Variants in SCRN1 observed in about 807,000 individuals in gnomAD.
SCRN1 encodes the protein secernin 1.
SCRN1 carries 19 observed loss-of-function variants against 43.3 expected under a neutral mutation model. The observed-to-expected ratio is 0.44, with a 90% CI of 0.31 to 0.64. The LOEUF is 0.64. Among genes scored for constraint, SCRN1 ranks in the 30% least tolerant of loss-of-function variants. The pLI, the probability that SCRN1 is intolerant of heterozygous loss-of-function variation, is 0.09. For missense variants in SCRN1, 447 were observed against 524.1 expected, an observed-to-expected ratio of 0.85 and a Z score of 1.44; for synonymous variants, 183 against 188.9, an observed-to-expected ratio of 0.97 and a Z score of 0.26.
At chr7:29,986,717 A>ATTTTTTTTTTTTTTTTTTT (rs553845779) in intron 1 of SCRN1, among the ~76,000 whole-genome samples, 1 of 99,852 alleles carries the variant, frequency 1.0e-5, no homozygotes, top group Non-Finnish European at 1.9e-5. Context: ...AATTTTTTTA[A>ATTTTTTTTTTTTTTTTTTT]TTTTTTTTTT....
At chr7:29,990,221 A>G, upstream of SCRN1, 1 of 1,551,634 alleles carries the variant, frequency 6.4e-7, no homozygotes, top group South Asian at 1.2e-5. Flanking sequence ...CCTGGTTTTA[A>G]AAGTGCCGTC....
chr7:29,956,855 AT>A (rs1788154957), intron 2 of SCRN1, among the ~76,000 whole-genome samples: 1 of 152,120 alleles, frequency 6.6e-6, no homozygotes, highest in South Asian at 2.1e-4. Flanking sequence ...AAAAAAAATG[AT>A]TCTTGTAGAG....
At chr7:29,970,724 G>C (rs1205314035) in intron 1 of SCRN1, among the ~76,000 whole-genome samples, 1 of 152,138 alleles carries the variant, frequency 6.6e-6, no homozygotes, top group Non-Finnish European at 1.5e-5. Flanking sequence ...TACTGAAGCT[G>C]ACTCTCTAAT....
chr7:29,930,364 T>G (rs1787116919), intron 6 of SCRN1, among the ~76,000 whole-genome samples: 1 of 152,220 alleles, frequency 6.6e-6, no homozygotes, highest in South Asian at 2.1e-4. Flanking sequence ...TCCCAAACAT[T>G]TTGATTTCTT....
At chr7:29,933,916 C>T (rs1293707862) in intron 6 of SCRN1, among the ~76,000 whole-genome samples, 1 of 152,192 alleles carries the variant, frequency 6.6e-6, no homozygotes, top group Non-Finnish European at 1.5e-5. Flanking sequence ...AAGTCTGCTA[C>T]TATGAAACAA....
At chr7:29,940,408 C>T (rs2107898) in intron 5 of SCRN1, among the ~76,000 whole-genome samples, 122,632 of 152,044 alleles carry the variant, frequency 0.81, 49,636 homozygotes, top group East Asian at 0.97. Context: ...CTGCAGTAAG[C>T]ATTACAAAAG....
At chr7:29,944,210 G>A (rs888154828) in intron 3 of SCRN1, 31 bp from the exon 4 acceptor site, 5 of 1,598,858 alleles carry the variant, frequency 3.1e-6, no homozygotes, top group Non-Finnish European at 4.3e-6. Flanking sequence ...CCATACTTCA[G>A]TCATTTCATA....
rs200216985 is a variant in SCRN1, at chr7:29,974,872, TG to T, written c.-1-5805del. Among the ~76,000 whole-genome samples, 86 of 152,012 alleles carry T rather than the reference TG, an allele frequency of 5.7e-4. No homozygotes were observed. In the East Asian group the frequency reaches 0.016, roughly 28 times the overall value. On this transcript the variant is annotated intron_variant, in intron 1 of 7. Coordinates refer to ENST00000242059, the MANE Select transcript of SCRN1 (RefSeq NM_014766.5). ...CTAATTTTTGTATTTTTAGTAGAGA[TG>T]GGGTTTCACCATGTTGGCCAGGCTG... is the stretch of plus-strand genomic sequence containing the variant.
intron 1 of SCRN1, among the ~76,000 whole-genome samples, chr7:29,972,519 A>C (rs549699054): frequency 6.6e-6 from 1 of 152,352 alleles, no homozygotes; most frequent in East Asian, 1.9e-4. Context: ...AGGCAACAGA[A>C]GCCCAGGGGT....
chr7:29,948,841 T>C (rs1787819717), intron 3 of SCRN1, among the ~76,000 whole-genome samples: 1 of 152,160 alleles, frequency 6.6e-6, no homozygotes. Context: ...CCCCTCACAG[T>C]GGGAGTATTT....
At chr7:29,987,982 T>C (rs1338015711) in intron 1 of SCRN1, among the ~76,000 whole-genome samples, 1 of 152,150 alleles carries the variant, frequency 6.6e-6, no homozygotes, top group Non-Finnish European at 1.5e-5. Flanking sequence ...CCTCCTCATG[T>C]ATCTCCTTCC....
chr7:29,945,729 C>G (rs142973470), intron 3 of SCRN1, among the ~76,000 whole-genome samples: 50 of 152,296 alleles, frequency 3.3e-4, no homozygotes, highest in African/African-American at 1.2e-3. Flanking sequence ...CTTTCCAAAC[C>G]TTGATTTTTC....
chr7:29,962,972 A>C (rs2128096159), intron 2 of SCRN1, among the ~76,000 whole-genome samples: 1 of 152,128 alleles, frequency 6.6e-6, no homozygotes, highest in African/African-American at 2.4e-5. Context: ...CAGATTCAGT[A>C]GTATGTGATG....
At chr7:29,953,219 A>G (rs748606809) in intron 3 of SCRN1, among the ~76,000 whole-genome samples, 1 of 152,172 alleles carries the variant, frequency 6.6e-6, no homozygotes, top group Non-Finnish European at 1.5e-5. Context: ...CCTCTCTCCT[A>G]CTATCTTCTT....
intron 1 of SCRN1, among the ~76,000 whole-genome samples, chr7:29,976,888 C>T (rs1025050486): frequency 2.6e-5 from 4 of 152,144 alleles, no homozygotes; most frequent in African/African-American, 4.8e-5. Flanking sequence ...ACTGTACTCT[C>T]GTAACTAGGA....
At chr7:29,966,159 C>CAGAGAGAGAGAGAGAGAGAGAGAGAG (rs58247318) in intron 2 of SCRN1, among the ~76,000 whole-genome samples, 29 of 84,452 alleles carry the variant, frequency 3.4e-4, no homozygotes, top group East Asian at 1.0e-3. Context: ...GACCGAGAGA[C>CAGAGAGAGAGAGAGAGAGAGAGAGAG]AGAGAGAGAG....
At chr7:29,935,218 G>T (rs1182172740) in intron 6 of SCRN1, among the ~76,000 whole-genome samples, 1 of 152,186 alleles carries the variant, frequency 6.6e-6, no homozygotes, top group Non-Finnish European at 1.5e-5. Flanking sequence ...TCCGCAGTCA[G>T]GTCTGGTTAG....
intron 2 of SCRN1, among the ~76,000 whole-genome samples, chr7:29,956,745 C>T (rs1271698623): frequency 5.3e-5 from 8 of 152,056 alleles, no homozygotes; most frequent in African/African-American, 1.9e-4. Flanking sequence ...TAATTATATC[C>T]AGAGGTTTTC....
At chr7:29,960,356 C>A (rs75739347) in intron 2 of SCRN1, among the ~76,000 whole-genome samples, 17 of 150,716 alleles carry the variant, frequency 1.1e-4, no homozygotes, top group African/African-American at 3.7e-4. Flanking sequence ...TGAATCCATA[C>A]GGTATTTCAT....
Sources: allele counts gnomAD v4.1 joint callset (sites outside exome capture counted in the v4.1 genomes callset), GRCh38; gene constraint gnomAD v4.1.1; transcripts MANE v1.5; gene names NCBI Gene and HGNC (gene_info 2026-07-23, HGNC 2026-07-21).